RNF220: variants seen among roughly 807,000 people sequenced by gnomAD.
The protein encoded by RNF220 is ring finger protein 220.
RNF220 carries 7 observed loss-of-function variants against 67.1 expected under a neutral mutation model. That is an observed-to-expected ratio of 0.10 (90% CI 0.06 to 0.20). The LOEUF is 0.20. Ranked by LOEUF, RNF220 falls within the 10% of genes least tolerant of loss-of-function variation. The pLI is 1.00. For missense variants in RNF220, 565 were observed against 740.3 expected (o/e 0.76, Z 2.75); for synonymous variants, 270 against 283.2 (o/e 0.95, Z 0.47).
intron 2 of RNF220, among the ~76,000 whole-genome samples, chr1:44,487,980 T>C (rs1656471227): frequency 6.6e-6 from 1 of 151,654 alleles, no homozygotes; most frequent in South Asian, 2.1e-4. Flanking sequence ...TGCGATTTTT[T>C]TTTTTTTGAG....
At chr1:44,442,246 G>T (rs1484075552) in intron 2 of RNF220, among the ~76,000 whole-genome samples, 2 of 152,010 alleles carry the variant, frequency 1.3e-5, no homozygotes, top group African/African-American at 4.8e-5. Flanking sequence ...AGGCTTAGGT[G>T]ATCCTCCCAC....
intron 2 of RNF220, among the ~76,000 whole-genome samples, chr1:44,518,513 C>T (rs925582284): frequency 6.6e-6 from 1 of 152,126 alleles, no homozygotes; most frequent in Non-Finnish European, 1.5e-5. Context: ...GGGGGAAAAT[C>T]CAACACAGGC....
Position 44,644,466 on chromosome 1 carries a change from C to T in RNF220, c.1127-232C>T, listed in dbSNP as rs144963196. 4.9e-4 allele frequency: 250 copies of T among 515,288 alleles called. 1 individual carries two copies. Among genetic ancestry groups the T allele is most frequent in the African/African-American group, 4.3e-3 (226 of 52,354 alleles). 31.9% of individuals were successfully genotyped at this position (515,288 alleles called of 1,614,324 possible). ...ATATATGAATGGGCTAGTTTATGAG[C>T]AGAGACCACTTGGAGCAGCATGCAG... On this transcript the variant is annotated intron_variant, in intron 8 of 14. Coordinates refer to ENST00000361799, the MANE Select transcript of RNF220 (RefSeq NM_018150.4).
At position 44,632,404 on chromosome 1, in the gene RNF220, C is replaced by CAGCCCA; in HGVS notation, c.949+19_949+20insAGCCCA. ...CTGAATGGTGAGTCCTGCCCGGCCC[C>CAGCCCA]TCCCTCCGCCCCACCCCCGGCCTCC... On this transcript the variant is annotated intron_variant, in intron 6 of 14. Transcript: ENST00000361799. The CAGCCCA allele has an allele frequency of 6.2e-7, 1 of 1,601,362 alleles. No individual in the cohort carries two copies. Among genetic ancestry groups the CAGCCCA allele is most frequent in the Non-Finnish European group, 8.5e-7 (1 of 1,172,606 alleles).
chr1:44,596,538 G>T (rs985538965), intron 2 of RNF220, among the ~76,000 whole-genome samples: 51 of 151,138 alleles, frequency 3.4e-4, no homozygotes, highest in African/African-American at 1.2e-3. Flanking sequence ...CAACCTGGGG[G>T]ACAAGAGCAA....
At chr1:44,473,889 A>G (rs1655039032) in intron 2 of RNF220, among the ~76,000 whole-genome samples, 2 of 152,114 alleles carry the variant, frequency 1.3e-5, no homozygotes. Flanking sequence ...ACTTACTGCC[A>G]TTCCCATGCG....
intron 2 of RNF220, among the ~76,000 whole-genome samples, chr1:44,442,904 A>G (rs531282946): frequency 1.3e-5 from 2 of 152,204 alleles, no homozygotes; most frequent in East Asian, 1.9e-4. Flanking sequence ...TGTTCACCCA[A>G]TTGCTTTGGC....
intron 2 of RNF220, among the ~76,000 whole-genome samples, chr1:44,539,984 C>G (rs980049649): frequency 6.6e-6 from 1 of 152,252 alleles, no homozygotes; most frequent in South Asian, 2.1e-4. Flanking sequence ...GTCTAGCCTG[C>G]CAGCTCTCTT....
chr1:44,644,812 T>A lies in RNF220; in HGVS notation c.1223+18T>A. Reference sequence around the variant, plus strand: ...AAGCCACAGTATCCTTGGAGCACTATGGGGGCTGGTGGGGCTGATAGGGCA... The same window carrying A: ...AAGCCACAGTATCCTTGGAGCACTAAGGGGGCTGGTGGGGCTGATAGGGCA... On this transcript the variant is annotated intron_variant, in intron 9 of 14. Coordinates refer to ENST00000361799, the MANE Select transcript of RNF220 (RefSeq NM_018150.4). The A allele has an allele frequency of 6.3e-7, 1 of 1,596,246 alleles. No individual in the cohort carries two copies. Among genetic ancestry groups the A allele is most frequent in the Non-Finnish European group, 8.6e-7 (1 of 1,163,870 alleles).
intron 2 of RNF220, among the ~76,000 whole-genome samples, chr1:44,549,928 G>A (rs532777038): frequency 5.9e-5 from 9 of 152,226 alleles, no homozygotes; most frequent in African/African-American, 2.2e-4. Flanking sequence ...TTTATCCTAC[G>A]CCTGGGCTCC....
In RNF220 at chr1:44,641,446, G is replaced by C. The variant is rs576809155; in HGVS notation, c.1127-3252G>C. Among the ~76,000 whole-genome samples the C allele has an allele frequency of 8.7e-4, 133 of 152,280 alleles. 1 individual carries two copies. Among genetic ancestry groups the C allele is most frequent in the Non-Finnish European group, 1.2e-3 (82 of 68,016 alleles). On this transcript the variant is annotated intron_variant, in intron 8 of 14. Transcript: ENST00000361799. The stretch of plus-strand genomic sequence containing the variant: ...AGTGGCAGCTTGCCTGTTATCGCTG[G>C]AGCTACATGGAAGAGGAGCCAGAGA...
intron 4 of RNF220, among the ~76,000 whole-genome samples, chr1:44,623,081 G>C (rs1643862669): frequency 6.6e-6 from 1 of 152,168 alleles, no homozygotes; most frequent in Non-Finnish European, 1.5e-5. Flanking sequence ...GGGTGACCCA[G>C]ACACTAAGGG....
intron 5 of RNF220, 65 bp from the exon 6 acceptor site, chr1:44,632,278 A>G (rs1644167442): frequency 6.2e-7 from 1 of 1,613,834 alleles, no homozygotes; most frequent in African/African-American, 1.3e-5. Flanking sequence ...GGCGGGGGCC[A>G]GGACTGCAGG....
chr1:44,564,751 CAAAAAA>C (rs34127522), intron 2 of RNF220, among the ~76,000 whole-genome samples: 1 of 93,722 alleles, frequency 1.1e-5, no homozygotes, highest in South Asian at 3.7e-4. Flanking sequence ...GACTCCATCT[CAAAAAA>C]AAAAAAAAAA....
At chr1:44,581,748 A>C (rs2148346229) in intron 2 of RNF220, among the ~76,000 whole-genome samples, 1 of 152,232 alleles carries the variant, frequency 6.6e-6, no homozygotes, top group East Asian at 1.9e-4. Flanking sequence ...TCCTCTGGGA[A>C]CCTGACTGGA....
At position 44,431,471 on chromosome 1, in the gene RNF220, G is replaced by A. The variant is rs1222617319; in HGVS notation, c.625+18749G>A. On this transcript the variant is annotated intron_variant, in intron 2 of 14. Transcript: ENST00000361799. ...CATGCCACTGCACTCCAGCCTGGGC[G>A]ACAGAGCAAGACTTCATCGACTTCA... Among the ~76,000 whole-genome samples the A allele has an allele frequency of 7.8e-5, 11 of 140,680 alleles. No individual in the cohort carries two copies. The Admixed American group carries it at 8.5e-4, about 11-fold the overall frequency. The allele number at this position is 140,680 out of a possible 152,430, so 92.3% of individuals were successfully genotyped here.
chr1:44,507,713 G>A (rs532986840), intron 2 of RNF220, among the ~76,000 whole-genome samples: 32 of 152,222 alleles, frequency 2.1e-4, no homozygotes, highest in Non-Finnish European at 3.4e-4. Context: ...CACAGCAGTT[G>A]GTGGTGAGCA....
chr1:44,573,774 G>C (rs1199110481), intron 2 of RNF220, among the ~76,000 whole-genome samples: 3 of 152,162 alleles, frequency 2.0e-5, no homozygotes, highest in African/African-American at 7.2e-5. Context: ...TACCTCTCTG[G>C]AATCATCCCT....
chr1:44,549,231 T>C (rs769228514), intron 2 of RNF220, among the ~76,000 whole-genome samples: 47 of 152,172 alleles, frequency 3.1e-4, no homozygotes, highest in Non-Finnish European at 6.6e-4. Flanking sequence ...TGATGTAGCA[T>C]TGCAATGTTG....
Sources: allele counts gnomAD v4.1 joint callset (sites outside exome capture counted in the v4.1 genomes callset), GRCh38; gene constraint gnomAD v4.1.1; transcripts MANE v1.5; gene names NCBI Gene and HGNC (gene_info 2026-07-23, HGNC 2026-07-21).